Variants in MOK observed in about 807,000 individuals in gnomAD.
MOK encodes MAPK/MAK/MRK overlapping kinase.
Under a neutral mutation model 54.2 loss-of-function variants are expected in MOK, and 59 were observed. That is an observed-to-expected ratio of 1.09 (90% CI 0.88 to 1.35). MOK has a LOEUF of 1.35. Among genes scored for constraint, MOK ranks in the 40% most tolerant of loss-of-function variants. The pLI, the probability that MOK is intolerant of heterozygous loss-of-function variation, is 0.00. For synonymous variants in MOK, 210 were observed against 202.7 expected (o/e 1.04, Z -0.31); for missense variants, 517 against 526.2 (o/e 0.98, Z 0.17).
chr14:102,261,627 A>G (rs930642199), intron 4 of MOK, among the ~76,000 whole-genome samples: 20 of 146,314 alleles, frequency 1.4e-4, no homozygotes, highest in African/African-American at 4.8e-4. Context: ...TCTGCCTCCC[A>G]GGTTCAAGCG....
intron 1 of MOK, among the ~76,000 whole-genome samples, chr14:102,290,889 G>A (rs2070699285): frequency 2.0e-5 from 3 of 152,110 alleles, no homozygotes; most frequent in East Asian, 1.9e-4. Flanking sequence ...TATATGAGAG[G>A]GGTGTGAGAT....
the MOK span, among the ~76,000 whole-genome samples, chr14:102,217,260 G>C: frequency 1.3e-5 from 2 of 152,226 alleles, no homozygotes; most frequent in Admixed American, 6.5e-5. Flanking sequence ...GCCGGTGCTG[G>C]TCTCCATCAG....
Position 102,229,554 on chromosome 14 carries a change from G to A in MOK, c.1085C>T (p.Ser362Phe). 6.2e-7 allele frequency: 1 copy of A among 1,614,226 alleles called. No individual in the cohort carries two copies. Among genetic ancestry groups the A allele is most frequent in the Non-Finnish European group, 8.5e-7 (1 of 1,180,044 alleles). ...GGACTGCAGCGTGGGGCTGGAGTAA[G>A]ACGACAGTCTGACCACTCCCGAAAG... ...LKLSGVVRLSSYSSPTLQSVL... is the reference protein window; with the variant it reads ...LKLSGVVRLSFYSSPTLQSVL... Residue 362 changes from serine (S) to phenylalanine (F), a missense_variant, in exon 11 of 12, where the codon TCT becomes TTT. Transcript: ENST00000361847.
chr14:102,252,988 C>T (rs1178325242), intron 4 of MOK, among the ~76,000 whole-genome samples: 2 of 152,164 alleles, frequency 1.3e-5, no homozygotes, highest in African/African-American at 4.8e-5. Flanking sequence ...GTGGAGACAC[C>T]GCAAGGGCCT....
At chr14:102,301,399 G>A (rs2072183051) in intron 1 of MOK, among the ~76,000 whole-genome samples, 1 of 152,064 alleles carries the variant, frequency 6.6e-6, no homozygotes, top group African/African-American at 2.4e-5. Flanking sequence ...TGTTGCAAAC[G>A]ATGCCAAATA....
chr14:102,300,160 CT>C (rs1297125071), intron 1 of MOK, among the ~76,000 whole-genome samples: 1 of 151,936 alleles, frequency 6.6e-6, no homozygotes, highest in African/African-American at 2.4e-5. Context: ...CCGATCTCTA[CT>C]AAAAATACAA....
downstream of MOK, among the ~76,000 whole-genome samples, chr14:102,224,059 T>G (rs1420167998): frequency 2.7e-5 from 4 of 149,752 alleles, no homozygotes; most frequent in African/African-American, 1.0e-4. Flanking sequence ...TTTTTTTTTT[T>G]GAGATGGAGT....
chr14:102,220,885 C>T (rs2063812660), downstream of MOK, among the ~76,000 whole-genome samples: 1 of 152,126 alleles, frequency 6.6e-6, no homozygotes, highest in Non-Finnish European at 1.5e-5. The surrounding 1 kb of genome is among the most constrained non-coding windows in gnomAD (Gnocchi z 4.2). Flanking sequence ...CCTCCTGCCA[C>T]ACAGCCTCCT....
At chr14:102,217,926 C>T in the MOK span, among the ~76,000 whole-genome samples, 4 of 152,222 alleles carry the variant, frequency 2.6e-5, no homozygotes, top group African/African-American at 7.2e-5. Context: ...GCCAGGAGCA[C>T]CTGCCACAGA....
chr14:102,269,099 A>G (rs981752150), intron 2 of MOK, among the ~76,000 whole-genome samples: 11 of 152,176 alleles, frequency 7.2e-5, no homozygotes, highest in African/African-American at 2.4e-4. Context: ...AATAAGGATT[A>G]CTACTACTTA....
intron 4 of MOK, among the ~76,000 whole-genome samples, chr14:102,254,094 C>T (rs1377868456): frequency 6.6e-6 from 1 of 152,048 alleles, no homozygotes; most frequent in African/African-American, 2.4e-5. Context: ...AAGCAATTCT[C>T]CTGCCTCAGC....
chr14:102,249,569 C>T lies in MOK; in HGVS notation c.590+1243G>A, dbSNP rs1055658351. ...TACTAAAAATACAAAATTAGCCGGG[C>T]GTGGTGGTGCATGCCTGTAATCCCA... On this transcript the variant is annotated intron_variant, in intron 7 of 11. Transcript: ENST00000361847. The surrounding 1 kb of genome is among the most constrained non-coding windows in gnomAD (Gnocchi z 5.3). Among the ~76,000 whole-genome samples, 13 of 152,096 alleles carry T rather than the reference C, an allele frequency of 8.5e-5. No individual in the cohort carries two copies. Among genetic ancestry groups the T allele is most frequent in the African/African-American group, 2.2e-4 (9 of 41,416 alleles).
intron 4 of MOK, among the ~76,000 whole-genome samples, chr14:102,254,118 G>A (rs1298613154): frequency 6.6e-6 from 1 of 151,780 alleles, no homozygotes; most frequent in Non-Finnish European, 1.5e-5. Context: ...TCGAGTAGTT[G>A]GAATTACAGG....
intron 1 of MOK, among the ~76,000 whole-genome samples, chr14:102,291,895 T>C (rs1469575656): frequency 2.0e-5 from 3 of 151,096 alleles, no homozygotes; most frequent in African/African-American, 4.9e-5. Flanking sequence ...GAGGCGGAGG[T>C]TGCAGTGAGC....
At chr14:102,253,327 C>T (rs1275860484) in intron 4 of MOK, among the ~76,000 whole-genome samples, 3 of 152,222 alleles carry the variant, frequency 2.0e-5, no homozygotes, top group Non-Finnish European at 4.4e-5. Flanking sequence ...GCTATGGTTT[C>T]AGTGGGAACA....
intron 7 of MOK, among the ~76,000 whole-genome samples, chr14:102,243,759 C>A (rs1351654891): frequency 5.3e-5 from 8 of 152,168 alleles, no homozygotes; most frequent in Non-Finnish European, 1.0e-4. Flanking sequence ...ACATTCACTC[C>A]ATTTCCCCAT....
chr14:102,296,884 CCT>C (rs1748693162), intron 1 of MOK, among the ~76,000 whole-genome samples: 1 of 151,774 alleles, frequency 6.6e-6, no homozygotes, highest in Non-Finnish European at 1.5e-5. Context: ...ATGGTGAAAC[CCT>C]GTCTCTACTA....
chr14:102,235,885 TTAGA>T lies in MOK; in HGVS notation c.591-2100_591-2097del, dbSNP rs1169522797. Among the ~76,000 whole-genome samples the T allele has an allele frequency of 6.6e-6, 1 of 151,986 alleles. No individual in the cohort carries two copies. Among genetic ancestry groups the T allele is most frequent in the African/African-American group, 2.4e-5 (1 of 41,326 alleles). ...TAATAACAGGGATGAGCAAAATAAATTAGATAAAGCCCAAAGAGATCGTGCTAAA... is the reference window on the plus strand; with the variant it reads ...TAATAACAGGGATGAGCAAAATAAATTAAAGCCCAAAGAGATCGTGCTAAA... On this transcript the variant is annotated intron_variant, in intron 7 of 11. Coordinates refer to ENST00000361847, the MANE Select transcript of MOK (RefSeq NM_014226.3). The surrounding 1 kb of genome is among the most constrained non-coding windows in gnomAD (Gnocchi z 4.4).
At chr14:102,278,790 T>C (rs2069126202) in intron 2 of MOK, 1 of 442,922 alleles carries the variant, frequency 2.3e-6, no homozygotes, top group Admixed American at 2.4e-5. Context: ...TGACACCAGA[T>C]ATGTAGTGAA....
Sources: gnomAD v4.1 joint callset for allele counts (sites outside exome capture counted in the v4.1 genomes callset) on GRCh38, gnomAD v4.1.1 for gene constraint, Gnocchi (gnomAD v3.1) non-coding constraint, MANE v1.5 for transcripts, NCBI Gene and HGNC (gene_info 2026-07-23, HGNC 2026-07-21) for gene names.